Variants in SCNN1B observed in about 807,000 individuals in gnomAD.
SCNN1B encodes epithelial sodium channel subunit beta.
SCNN1B carries 46 observed loss-of-function variants against 65.3 expected under a neutral mutation model. The observed-to-expected ratio is 0.70, with a 90% confidence interval of 0.56 to 0.90. The LOEUF is 0.90. Among genes scored for constraint, SCNN1B ranks in the 40% least tolerant of loss-of-function variants. The pLI, the probability that SCNN1B is intolerant of heterozygous loss-of-function variation, is 0.00. For synonymous variants in SCNN1B, 349 were observed against 330.6 expected (o/e 1.06, Z -0.60); for missense variants, 751 against 830.5 (o/e 0.90, Z 1.18).
chr16:23,375,839 G>A lies in SCNN1B; in HGVS notation c.1254G>A (p.Arg418=). Residue 418 remains arginine, a synonymous_variant, in exon 8 of 13, where the codon CGG becomes CGA. Transcript: ENST00000343070. ...GTGGGGAGAAATACTGCAACAACCG[G>A]GACTTCCCAGACTGGGGTGAGCGGG... is the stretch of plus-strand genomic sequence containing the variant. ...LPRGEKYCNN[R]DFPDWAHCYS... 1 of 1,612,328 alleles carries A rather than the reference G, an allele frequency of 6.2e-7. No individual in the cohort carries two copies. The highest frequency in any genetic ancestry group is 8.5e-7 in the Non-Finnish European group (1 of 1,178,350).
chr16:23,364,010 T>A (rs548778026), intron 4 of SCNN1B, among the ~76,000 whole-genome samples: 1 of 151,342 alleles, frequency 6.6e-6, no homozygotes, highest in Non-Finnish European at 1.5e-5. Flanking sequence ...CTACTAATAA[T>A]ACAAAAATTA....
At chr16:23,355,719 A>C (rs1313099493) in intron 4 of SCNN1B, among the ~76,000 whole-genome samples, 1 of 152,152 alleles carries the variant, frequency 6.6e-6, no homozygotes, top group Non-Finnish European at 1.5e-5. Flanking sequence ...CTGTGTTAGG[A>C]AAAGTCTGCA....
chr16:23,344,120 A>G (rs1298532705), intron 1 of SCNN1B, among the ~76,000 whole-genome samples: 1 of 152,222 alleles, frequency 6.6e-6, no homozygotes, highest in Non-Finnish European at 1.5e-5. Context: ...CTTTAAATCA[A>G]TTCCCCTTTT....
At chr16:23,317,173 C>T (rs961684432) in intron 1 of SCNN1B, among the ~76,000 whole-genome samples, 2 of 152,230 alleles carry the variant, frequency 1.3e-5, no homozygotes, top group Non-Finnish European at 2.9e-5. Flanking sequence ...TGAAACTCAG[C>T]GGCCTTGTCT....
rs63982 is a variant in SCNN1B, at chr16:23,352,760, A to C, written c.312-41A>C. On this transcript the variant is annotated intron_variant, in intron 2 of 12. Coordinates refer to ENST00000343070, the MANE Select transcript of SCNN1B (RefSeq NM_000336.3). ...AGATTTCATTTGCTCTGCTTTACAG[A>C]TATGCATTCCTTCCCCCTAACCAGC... is the stretch of plus-strand genomic sequence containing the variant. 0.24 allele frequency: 390,478 copies of C among 1,610,084 alleles called. 54,219 individuals carry two copies. The highest frequency in any genetic ancestry group is 0.67 in the East Asian group (29,995 of 44,826).
rs142663639 is a variant in SCNN1B, at chr16:23,375,503, T to C, written c.1153-235T>C. On this transcript the variant is annotated intron_variant, in intron 7 of 12. Coordinates refer to ENST00000343070, the MANE Select transcript of SCNN1B (RefSeq NM_000336.3). ...GGACCTGGGATACTGCGGTCTGGCCTGGGTCCCTCTGTGGGGTCCAGAGAC... is the reference window on the plus strand; with the variant it reads ...GGACCTGGGATACTGCGGTCTGGCCCGGGTCCCTCTGTGGGGTCCAGAGAC... Among the ~76,000 whole-genome samples, 362 of 152,300 alleles carry C rather than the reference T, an allele frequency of 2.4e-3. 2 individuals are homozygous for C. The highest frequency in any genetic ancestry group is 8.2e-3 in the African/African-American group (340 of 41,570).
Position 23,374,431 on chromosome 16 carries a change from G to A in SCNN1B, c.1153-1307G>A, listed in dbSNP as rs531742517. ...TCTACTAAAAATACAAAAATCAGCC[G>A]GGGGTGGTGGTGCATGCCTGTAATC... On this transcript the variant is annotated intron_variant, in intron 7 of 12. Transcript: ENST00000343070. 1.7e-4 allele frequency among the ~76,000 whole-genome samples: 26 copies of A among 151,160 alleles called. 2 individuals carry two copies. The highest frequency in any genetic ancestry group is 3.4e-3 in the Middle Eastern group (1 of 294).
intron 1 of SCNN1B, among the ~76,000 whole-genome samples, chr16:23,313,894 G>A (rs1029385321): frequency 6.6e-6 from 1 of 152,160 alleles, no homozygotes; most frequent in African/African-American, 2.4e-5. Flanking sequence ...ACAGACATGA[G>A]CCATGCACCC....
intron 1 of SCNN1B, among the ~76,000 whole-genome samples, chr16:23,339,074 T>C (rs1290724724): frequency 1.3e-5 from 2 of 152,250 alleles, no homozygotes; most frequent in Non-Finnish European, 2.9e-5. Flanking sequence ...CTGCTTTCTG[T>C]CACAATAGAT....
chr16:23,288,057 G>A (rs1413981637), intron 2 of SCNN1B, among the ~76,000 whole-genome samples: 2 of 151,880 alleles, frequency 1.3e-5, no homozygotes, highest in African/African-American at 4.8e-5. Context: ...TTGGTGGGCT[G>A]AGGTGGAAGC....
intron 1 of SCNN1B, among the ~76,000 whole-genome samples, chr16:23,335,970 A>T (rs1299241088): frequency 6.6e-6 from 1 of 152,124 alleles, no homozygotes; most frequent in Non-Finnish European, 1.5e-5. Flanking sequence ...AGGGAACCAC[A>T]GCCTTGGGCA....
intron 2 of SCNN1B, among the ~76,000 whole-genome samples, chr16:23,293,049 AGTTT>A (rs1252443580): frequency 1.4e-5 from 2 of 140,440 alleles, no homozygotes; most frequent in Non-Finnish European, 3.0e-5. Context: ...CGGGAGGTGA[AGTTT>A]GCAGCGAGCC....
intron 1 of SCNN1B, among the ~76,000 whole-genome samples, chr16:23,283,197 G>T (rs531740754): frequency 6.6e-6 from 1 of 152,196 alleles, no homozygotes; most frequent in Non-Finnish European, 1.5e-5. Flanking sequence ...GATCACTTGA[G>T]GTCAGGAGTT....
chr16:23,358,734 C>T (rs1314237956), intron 4 of SCNN1B, among the ~76,000 whole-genome samples: 1 of 152,120 alleles, frequency 6.6e-6, no homozygotes, highest in Non-Finnish European at 1.5e-5. Flanking sequence ...AGGCAAAACC[C>T]CATCTCTACT....
At chr16:23,331,863 G>A (rs1961819084) in intron 1 of SCNN1B, among the ~76,000 whole-genome samples, 1 of 152,100 alleles carries the variant, frequency 6.6e-6, no homozygotes, top group South Asian at 2.1e-4. Context: ...CCATATAAAG[G>A]GGTGGGAGGA....
At chr16:23,326,918 C>G (rs1224294870) in intron 1 of SCNN1B, among the ~76,000 whole-genome samples, 1 of 151,872 alleles carries the variant, frequency 6.6e-6, no homozygotes, top group Admixed American at 6.6e-5. Flanking sequence ...CCTACTCTCT[C>G]AAGTCTCCAG....
intron 1 of SCNN1B, chr16:23,323,555 T>C: frequency 2.8e-6 from 2 of 702,992 alleles, no homozygotes; most frequent in South Asian, 1.5e-5. Flanking sequence ...ATTTTACAGA[T>C]GGGGAAACCA....
At chr16:23,360,027 A>G (rs1320217532) in intron 4 of SCNN1B, among the ~76,000 whole-genome samples, 1 of 151,968 alleles carries the variant, frequency 6.6e-6, no homozygotes, top group Non-Finnish European at 1.5e-5. Context: ...ACATAGTGAA[A>G]CCCCATCTCT....
intron 3 of SCNN1B, 54 bp from the exon 4 acceptor site, chr16:23,355,245 G>T (rs1033107173): frequency 7.0e-6 from 11 of 1,574,664 alleles, no homozygotes; most frequent in African/African-American, 1.3e-5. Flanking sequence ...CAGTGGCTGG[G>T]GTCCTGCTAG....
Sources: allele counts gnomAD v4.1 joint callset (sites outside exome capture counted in the v4.1 genomes callset), GRCh38; gene constraint gnomAD v4.1.1; transcripts MANE v1.5; gene names NCBI Gene and HGNC (gene_info 2026-07-23, HGNC 2026-07-21).